CDR2L: variants seen among roughly 807,000 people sequenced by gnomAD.
CDR2L encodes cerebellar degeneration related protein 2 like.
Under a neutral mutation model 36.1 loss-of-function variants are expected in CDR2L, and 19 were observed. The ratio of observed to expected loss-of-function variants is 0.53; its 90% CI spans 0.37 to 0.77. The LOEUF (loss-of-function observed/expected upper bound fraction) is 0.77. CDR2L is among the 30% of genes least tolerant of loss of function. The pLI is 0.00. For missense variants in CDR2L, 575 were observed against 627.2 expected (o/e 0.92, Z 0.89); for synonymous variants, 285 against 280.4 (o/e 1.02, Z -0.16).
At chr17:74,996,370 G>T (rs922871267) in intron 1 of CDR2L, among the ~76,000 whole-genome samples, 2 of 151,364 alleles carry the variant, frequency 1.3e-5, no homozygotes, top group Non-Finnish European at 2.9e-5. Flanking sequence ...CTTGAACCCG[G>T]GAGGCGGAGG....
chr17:75,002,627 A>G lies in CDR2L; in HGVS notation c.506+399A>G, dbSNP rs2039873871. 6.6e-6 allele frequency among the ~76,000 whole-genome samples: 1 copy of G among 152,192 alleles called. No homozygotes were observed. Among genetic ancestry groups the G allele is most frequent in the South Asian group, 2.1e-4 (1 of 4,834 alleles). On this transcript the variant is annotated intron_variant, in intron 4 of 4. Coordinates refer to ENST00000337231, the MANE Select transcript of CDR2L (RefSeq NM_014603.3). This position sits in a 1 kb window ranked among gnomAD's most constrained non-coding sequence, Gnocchi z 4.1. Reference sequence around the variant, plus strand: ...TTAATAATGGAAAAATACATGTGTCATATGTAGTGGGTGTTTCAATAAGGG... The same window carrying G: ...TTAATAATGGAAAAATACATGTGTCGTATGTAGTGGGTGTTTCAATAAGGG...
chr17:74,992,441 A>G (rs528184997), intron 1 of CDR2L, among the ~76,000 whole-genome samples: 3 of 151,026 alleles, frequency 2.0e-5, no homozygotes, highest in Admixed American at 2.0e-4. Context: ...GGTGTGTCCC[A>G]TTCATCCAGC....
rs1266644106 is a variant in CDR2L, at chr17:75,004,266, T to TG, written c.*194dup. The TG allele has an allele frequency of 6.9e-6, 4 of 576,788 alleles. No homozygotes were observed. In the East Asian group the frequency reaches 1.2e-4, roughly 17 times the overall value. 35.7% of individuals were successfully genotyped at this position (576,788 alleles called of 1,614,324 possible). On this transcript the variant is annotated 3_prime_UTR_variant, in exon 5 of 5. Transcript: ENST00000337231. Reference sequence around the variant, plus strand: ...ACCTGTCCTGCCTCCCAGGAGCCCTTGGCCACCTCGCGCCAGCCCAAAGGC... The same window carrying TG: ...ACCTGTCCTGCCTCCCAGGAGCCCTTGGGCCACCTCGCGCCAGCCCAAAGGC...
chr17:74,989,410 AACACACACAC>A lies in CDR2L; in HGVS notation c.79+1316_79+1325del, dbSNP rs61110164. Among the ~76,000 whole-genome samples, 97 of 130,754 alleles carry A rather than the reference AACACACACAC, an allele frequency of 7.4e-4. 1 individual carries two copies. The highest frequency in any genetic ancestry group is 2.6e-3 in the African/African-American group (87 of 33,390). The allele number at this position is 130,754 out of a possible 152,430, so 85.8% of individuals were successfully genotyped here. ...CTGAAATGAGATACAGCTCCTCTCAAACACACACACACACACACACACACACACACACACA... is the reference window on the plus strand; with the variant it reads ...CTGAAATGAGATACAGCTCCTCTCAAACACACACACACACACACACACACA... On this transcript the variant is annotated intron_variant, in intron 1 of 4. Transcript: ENST00000337231. The surrounding 1 kb of genome is among the most constrained non-coding windows in gnomAD (Gnocchi z 4.2).
At chr17:74,995,300 C>G (rs866246260) in intron 1 of CDR2L, among the ~76,000 whole-genome samples, 2 of 151,512 alleles carry the variant, frequency 1.3e-5, no homozygotes, top group Non-Finnish European at 2.9e-5. Flanking sequence ...GTAGCTGGGA[C>G]TACAGGTGTA....
intron 1 of CDR2L, 53 bp downstream of exon 1, chr17:74,988,175 G>C: frequency 7.6e-7 from 1 of 1,315,998 alleles, no homozygotes; most frequent in Admixed American, 2.8e-5. Context: ...GGTGACCCCT[G>C]TCCGCTTCTC....
rs1002411734 is a variant in CDR2L at position 75,001,286 on chromosome 17, A to G, written c.193-55A>G. On this transcript the variant is annotated intron_variant, in intron 2 of 4. Coordinates refer to ENST00000337231, the MANE Select transcript of CDR2L (RefSeq NM_014603.3). Reference sequence around the variant, plus strand: ...AAAAGAAGTAGGAGGGTCTAGGCAGAGACATTTGCCCCTGCCCAATTCTAA... The same window carrying G: ...AAAAGAAGTAGGAGGGTCTAGGCAGGGACATTTGCCCCTGCCCAATTCTAA... 4.7e-5 allele frequency: 71 copies of G among 1,523,238 alleles called. 1 individual carries two copies. In the Admixed American group the frequency reaches 1.5e-3, roughly 32 times the overall value. 94.4% of individuals were successfully genotyped at this position (1,523,238 alleles called of 1,614,324 possible).
intron 1 of CDR2L, among the ~76,000 whole-genome samples, chr17:74,991,594 G>A (rs907584067): frequency 3.3e-5 from 5 of 151,628 alleles, no homozygotes; most frequent in African/African-American, 7.2e-5. Flanking sequence ...GCGGGCGCCT[G>A]TAGTCCCAGC....
chr17:74,988,926 G>A (rs2039779918), intron 1 of CDR2L, among the ~76,000 whole-genome samples: 1 of 152,208 alleles, frequency 6.6e-6, no homozygotes, highest in Non-Finnish European at 1.5e-5. Context: ...GGGGGGTGGG[G>A]CTGTTGGGAC....
chr17:74,995,911 A>G (rs1177804001), intron 1 of CDR2L, among the ~76,000 whole-genome samples: 1 of 152,150 alleles, frequency 6.6e-6, no homozygotes, highest in African/African-American at 2.4e-5. Flanking sequence ...TGTGAAACTC[A>G]GCCTCAGCCT....
At chr17:74,990,865 C>T (rs1407354614) in intron 1 of CDR2L, among the ~76,000 whole-genome samples, 1 of 152,232 alleles carries the variant, frequency 6.6e-6, no homozygotes, top group African/African-American at 2.4e-5. Context: ...TCTCTTCCAC[C>T]CAGCTGCTCC....
At chr17:74,999,325 C>CACAAAAAA (rs368672422) in intron 1 of CDR2L, among the ~76,000 whole-genome samples, 179 bp from the exon 2 acceptor site, 27 of 151,092 alleles carry the variant, frequency 1.8e-4, no homozygotes, top group East Asian at 1.4e-3. Context: ...CAGACACACA[C>CACAAAAAA]AAAAAGAACA....
intron 1 of CDR2L, among the ~76,000 whole-genome samples, chr17:74,993,316 C>T (rs4788855): frequency 0.34 from 50,771 of 151,434 alleles, 9,062 homozygotes; most frequent in Admixed American, 0.45. Context: ...CTTGGTCCAT[C>T]GCCCAGGCTG....
chr17:74,997,537 A>G (rs530208513), intron 1 of CDR2L, among the ~76,000 whole-genome samples: 1 of 151,956 alleles, frequency 6.6e-6, no homozygotes, highest in African/African-American at 2.4e-5. Context: ...CAAATTATGC[A>G]CTGATTCTGT....
rs2144871590 is a variant in CDR2L at position 75,004,677 on chromosome 17, C to T, written c.*603C>T. The stretch of plus-strand genomic sequence containing the variant: ...TGCCATGCAGAGCAGGAAGCCTCAG[C>T]TGGGCCTGGAGTGTCCCTGCTCCAG... On this transcript the variant is annotated 3_prime_UTR_variant, in exon 5 of 5. Coordinates refer to ENST00000337231, the MANE Select transcript of CDR2L (RefSeq NM_014603.3). 1 of 153,006 alleles carries T rather than the reference C, an allele frequency of 6.5e-6. No homozygotes were observed. Among genetic ancestry groups the T allele is most frequent in the Non-Finnish European group, 1.5e-5 (1 of 68,312 alleles). The allele number at this position is 153,006 out of a possible 1,614,324, so 9.5% of individuals were successfully genotyped here.
chr17:74,989,443 A>ACACACACACACACACT lies in CDR2L; in HGVS notation c.79+1325_79+1326insCACACACACACTCACA. On this transcript the variant is annotated intron_variant, in intron 1 of 4. Transcript: ENST00000337231. The surrounding 1 kb of genome is among the most constrained non-coding windows in gnomAD (Gnocchi z 4.2). Reference sequence around the variant, plus strand: ...CACACACACACACACACACACACACACACATCCACACATTGTGACAACCCC... The same window carrying ACACACACACACACACT: ...CACACACACACACACACACACACACACACACACACACACACTCACATCCACACATTGTGACAACCCC... Among the ~76,000 whole-genome samples the ACACACACACACACACT allele has an allele frequency of 6.6e-6, 1 of 151,420 alleles. No individual in the cohort carries two copies. The highest frequency in any genetic ancestry group is 1.5e-5 in the Non-Finnish European group (1 of 67,882).
At position 75,004,100 on chromosome 17, in the gene CDR2L, C is replaced by A; in HGVS notation, c.*26C>A. On this transcript the variant is annotated 3_prime_UTR_variant, in exon 5 of 5. Coordinates refer to ENST00000337231, the MANE Select transcript of CDR2L (RefSeq NM_014603.3). ...CCCTTCTCCGGCCTGCAGCCTCCCC[C>A]AGGGTGGAAGCCGTGGGGTCCCTCA... 6.3e-7 allele frequency: 1 copy of A among 1,575,086 alleles called. No homozygotes were observed. Among genetic ancestry groups the A allele is most frequent in the Non-Finnish European group, 8.6e-7 (1 of 1,159,844 alleles).
rs5822063 is a variant in CDR2L at position 75,004,427 on chromosome 17, CT to C, written c.*368del. 52,655 of 156,024 alleles carry C rather than the reference CT, an allele frequency of 0.34. 8,102 individuals carry two copies. Among genetic ancestry groups the C allele is most frequent in the Admixed American group, 0.43 (6,440 of 14,960 alleles). The allele number at this position is 156,024 out of a possible 1,614,324, so 9.7% of individuals were successfully genotyped here. A position where few individuals can be genotyped will look rare whatever the true frequency, so the allele number is the denominator to read the frequency against. On this transcript the variant is annotated 3_prime_UTR_variant, in exon 5 of 5. Transcript: ENST00000337231. Reference sequence around the variant, plus strand: ...CTGAAAGCCATTCTGGATCAGTTGGCTTTTTTTTTTTTTTTGGTTAAGTTTG... The same window carrying C: ...CTGAAAGCCATTCTGGATCAGTTGGCTTTTTTTTTTTTTTGGTTAAGTTTG...
Position 75,003,292 on chromosome 17 carries a change from G to C in CDR2L, c.616G>C (p.Val206Leu). 6.4e-7 allele frequency: 1 copy of C among 1,556,650 alleles called. No individual in the cohort carries two copies. Among genetic ancestry groups the C allele is most frequent in the Non-Finnish European group, 8.7e-7 (1 of 1,151,138 alleles). Residue 206 changes from valine to leucine, a missense_variant, in exon 5 of 5, where the codon GTG becomes CTG. Coordinates refer to ENST00000337231, the MANE Select transcript of CDR2L (RefSeq NM_014603.3). ...CCTGGTGGGGGCGCTGCGCTCCCAG[G>C]TGAGCCAGGAGCGGCAGCGCAAGGA... ...QTLVGALRSQ[V>L]SQERQRKERA...
Sources: allele counts gnomAD v4.1 joint callset (sites outside exome capture counted in the v4.1 genomes callset), GRCh38; gene constraint gnomAD v4.1.1; non-coding constraint Gnocchi (gnomAD v3.1); transcripts MANE v1.5; gene names NCBI Gene and HGNC (gene_info 2026-07-23, HGNC 2026-07-21).